The following FBXO38 variants were observed in gnomAD, a reference collection of about 807,000 sequenced individuals.
The protein encoded by FBXO38 is F-box protein 38.
A neutral mutation model predicts 131.9 loss-of-function variants in FBXO38; 53 were observed. The ratio of observed to expected loss-of-function variants is 0.40; its 90% confidence interval spans 0.32 to 0.51. The LOEUF is 0.51. Ranked by LOEUF, FBXO38 falls within the 20% of genes least tolerant of loss-of-function variation. The probability of loss-of-function intolerance (pLI) is 0.53; values close to 1 mark genes in which losing one functional copy is unlikely to be tolerated. For synonymous variants in FBXO38, 452 were observed against 505.6 expected, an observed-to-expected ratio of 0.89 and a Z score of 1.42; for missense variants, 1,076 against 1,475.6, an observed-to-expected ratio of 0.73 and a Z score of 4.44.
At chr5:148,423,815 A>G in intron 12 of FBXO38, 183 bp from the exon 13 acceptor site, 1 of 488,808 alleles carries the variant, frequency 2.0e-6, no homozygotes, top group South Asian at 2.8e-5. Flanking sequence ...TCTCCTGTAG[A>G]CTGATTAAAT....
In FBXO38 at chr5:148,441,207, G is replaced by A. The variant is rs140529583; in HGVS notation, c.3358G>A (p.Ala1120Thr). Residue 1120 changes from alanine (A) to threonine (T), a missense_variant, in exon 21 of 22, where the codon GCT (alanine) becomes ACT (threonine). Ala to Thr is a moderately conservative substitution (Grantham distance 58). Coordinates refer to ENST00000340253, the MANE Select transcript of FBXO38 (RefSeq NM_205836.3). Reference protein sequence around the residue: ...SLRAAEPNSFARYDFEDDEES... With the variant: ...SLRAAEPNSFTRYDFEDDEES... ...ACGAGCTGCAGAGCCCAACAGCTTCGCTCGATACGACTTTGAAGACGATGA... is the reference window on the plus strand; with the variant it reads ...ACGAGCTGCAGAGCCCAACAGCTTCACTCGATACGACTTTGAAGACGATGA... 1.2e-5 allele frequency: 20 copies of A among 1,613,324 alleles called. 1 individual carries two copies. The highest frequency in any genetic ancestry group is 5.3e-5 in the African/African-American group (4 of 74,980).
Position 148,437,418 on chromosome 5 carries a change from C to T in FBXO38, c.2858-914C>T, listed in dbSNP as rs114078513. Among the ~76,000 whole-genome samples, 1,427 of 152,228 alleles carry T rather than the reference C, an allele frequency of 9.4e-3. 22 individuals carry two copies. The highest frequency in any genetic ancestry group is 0.032 in the African/African-American group (1,344 of 41,528). On this transcript the variant is annotated intron_variant, in intron 17 of 21. Coordinates refer to ENST00000340253, the MANE Select transcript of FBXO38 (RefSeq NM_205836.3). The stretch of plus-strand genomic sequence containing the variant: ...CCAAGTCACAAAAGGAGAAAATGAA[C>T]GTGAGAGGCGGGAGTCTCTCTCAGT...
chr5:148,432,405 G>A (rs527359078), intron 15 of FBXO38, among the ~76,000 whole-genome samples: 1 of 152,286 alleles, frequency 6.6e-6, no homozygotes, highest in East Asian at 1.9e-4. Context: ...TTTGACAGAC[G>A]AAAGATTGCA....
rs1487923917 is a variant in FBXO38 at position 148,399,108 on chromosome 5, C to T, written c.238C>T (p.Arg80Trp). Residue 80 changes from arginine to tryptophan, a missense_variant, in exon 3 of 22, where the codon CGG becomes TGG. By Grantham distance (101) the Arg-to-Trp change is moderately radical. This residue lies in a region of FBXO38 where 96 missense variants were observed against 193.9 expected (regional missense o/e 0.50). Coordinates refer to ENST00000340253, the MANE Select transcript of FBXO38 (RefSeq NM_205836.3). The stretch of plus-strand genomic sequence containing the variant: ...GAGAGTTGTAGATCTCTGTGCAGGG[C>T]GGTGGTGGGAATACATGCCAAGTGG... ...VVRVVDLCAG[R>W]WWEYMPSGFT... 15 of 1,612,676 alleles carry T rather than the reference C, an allele frequency of 9.3e-6. No individual in the cohort carries two copies. The highest frequency in any genetic ancestry group is 2.2e-5 in the East Asian group (1 of 44,822).
At chr5:148,423,905 A>G (rs1753574998) in intron 12 of FBXO38, 93 bp from the exon 13 acceptor site, 26 of 1,134,760 alleles carry the variant, frequency 2.3e-5, no homozygotes, top group Non-Finnish European at 3.3e-5. Flanking sequence ...AATCAGCGGG[A>G]CTGTTCAGTT....
chr5:148,441,520 T>G (rs1045950465), intron 21 of FBXO38: 5 of 252,746 alleles, frequency 2.0e-5, no homozygotes, highest in African/African-American at 1.1e-4. Flanking sequence ...ATTAAATAAC[T>G]TCAACTATAT....
At chr5:148,388,072 G>T (rs1758009695) in intron 1 of FBXO38, among the ~76,000 whole-genome samples, 1 of 152,200 alleles carries the variant, frequency 6.6e-6, no homozygotes, top group Non-Finnish European at 1.5e-5. Context: ...AATGGATATT[G>T]TGTTAGCAGG....
chr5:148,399,274 G>T, intron 3 of FBXO38, 142 bp downstream of exon 3: 1 of 918,590 alleles, frequency 1.1e-6, no homozygotes, highest in Non-Finnish European at 1.6e-6. Context: ...AATTATTTAT[G>T]TTGGGTTTTA....
At chr5:148,422,252 G>A (rs916567254) in intron 12 of FBXO38, among the ~76,000 whole-genome samples, 2 of 152,110 alleles carry the variant, frequency 1.3e-5, no homozygotes, top group Admixed American at 6.6e-5. Context: ...AATGCTGTAC[G>A]ATCTGGCCTG....
chr5:148,394,626 T>A (rs1206262988), intron 1 of FBXO38, 88 bp from the exon 2 acceptor site: 2 of 488,996 alleles, frequency 4.1e-6, no homozygotes, highest in Non-Finnish European at 6.9e-6. Context: ...TACCTCTGCT[T>A]GTGTGTGTTT....
intron 14 of FBXO38, 76 bp downstream of exon 14, chr5:148,425,777 CT>C: frequency 7.9e-7 from 1 of 1,269,238 alleles, no homozygotes; most frequent in Non-Finnish European, 1.1e-6. Flanking sequence ...AATATGACAA[CT>C]TGGGTGCAGT....
In FBXO38 at chr5:148,410,952, T is replaced by G. The variant is rs928739407; in HGVS notation, c.1093+187T>G. 5.1e-5 allele frequency: 28 copies of G among 552,402 alleles called. No homozygotes were observed. In the African/African-American group the frequency reaches 5.3e-4, roughly 10 times the overall value. 34.2% of individuals were successfully genotyped at this position (552,402 alleles called of 1,614,324 possible). On this transcript the variant is annotated intron_variant, in intron 9 of 21. Coordinates refer to ENST00000340253, the MANE Select transcript of FBXO38 (RefSeq NM_205836.3). ...GTGATTTTTTTTTCCATATTGCCTC[T>G]GATTTTAGCATATTATAGAAAATAT...
In FBXO38 at chr5:148,401,961, A is replaced by T. The variant is rs762589546; in HGVS notation, c.263-21A>T. On this transcript the variant is annotated intron_variant, in intron 3 of 21. Transcript: ENST00000340253. Reference sequence around the variant, plus strand: ...TGAACAGAAAGATGAACCTGGCTCTAAATACTTCTGAACTTCTCAGGCTTT... The same window carrying T: ...TGAACAGAAAGATGAACCTGGCTCTTAATACTTCTGAACTTCTCAGGCTTT... The T allele has an allele frequency of 4.5e-6, 7 of 1,572,206 alleles. No homozygotes were observed. The South Asian group carries it at 6.9e-5, about 15-fold the overall frequency.
chr5:148,431,464 G>A (rs1021302168), intron 15 of FBXO38, among the ~76,000 whole-genome samples: 2 of 152,174 alleles, frequency 1.3e-5, no homozygotes, highest in African/African-American at 4.8e-5. Flanking sequence ...TGAACCCCAT[G>A]CTCTGATAAA....
chr5:148,390,079 T>A (rs2113485754), intron 1 of FBXO38: 1 of 150,512 alleles, frequency 6.6e-6, no homozygotes, highest in African/African-American at 2.4e-5. Flanking sequence ...GGACTTGTGG[T>A]GTGTGAATTT....
At chr5:148,401,410 GAATT>G (rs1464128518) in intron 3 of FBXO38, among the ~76,000 whole-genome samples, 2 of 152,158 alleles carry the variant, frequency 1.3e-5, no homozygotes, top group Non-Finnish European at 2.9e-5. Flanking sequence ...TTTTTCAAAA[GAATT>G]AATTGTCTAA....
At chr5:148,438,930 A>G (rs919736442) in intron 18 of FBXO38, among the ~76,000 whole-genome samples, 4 of 152,196 alleles carry the variant, frequency 2.6e-5, no homozygotes, top group Non-Finnish European at 5.9e-5. Flanking sequence ...TATTAAGAGT[A>G]TATTGTATAT....
At chr5:148,415,654 A>G (rs529875820) in intron 10 of FBXO38, among the ~76,000 whole-genome samples, 2 of 152,208 alleles carry the variant, frequency 1.3e-5, no homozygotes, top group East Asian at 1.9e-4. Flanking sequence ...TCAGTGTCCT[A>G]TTGTTGAAAA....
intron 13 of FBXO38, among the ~76,000 whole-genome samples, chr5:148,424,438 G>A (rs1420967371): frequency 6.6e-6 from 1 of 152,158 alleles, no homozygotes; most frequent in African/African-American, 2.4e-5. Context: ...TAAATATTCT[G>A]CTATTGCCCT....
Sources: allele counts gnomAD v4.1 joint callset (sites outside exome capture counted in the v4.1 genomes callset), GRCh38; gene constraint gnomAD v4.1.1; regional missense constraint gnomAD v4.1.1; transcripts MANE v1.5; gene names NCBI Gene and HGNC (gene_info 2026-07-23, HGNC 2026-07-21).